FRS2: variants seen among roughly 807,000 people sequenced by gnomAD.
FRS2 encodes FGFR signalling adaptor.
FRS2 carries 8 observed loss-of-function variants against 43.9 expected under a neutral mutation model. That is an observed-to-expected ratio of 0.18 (90% CI 0.11 to 0.33). The LOEUF (loss-of-function observed/expected upper bound fraction) is 0.33, where lower values mean the gene tolerates loss of function less well. Among genes scored for constraint, FRS2 ranks in the 10% least tolerant of loss-of-function variants. FRS2 has a pLI of 1.00. For missense variants in FRS2, 534 were observed against 627.6 expected (o/e 0.85, Z 1.59); for synonymous variants, 219 against 220.3 (o/e 0.99, Z 0.05).
At chr12:69,529,622 A>AAAATAAAT (rs36140969) in intron 1 of FRS2, among the ~76,000 whole-genome samples, 39 of 150,006 alleles carry the variant, frequency 2.6e-4, no homozygotes, top group African/African-American at 8.6e-4. Flanking sequence ...CCCTGTCTCA[A>AAAATAAAT]AAATAAATAA....
intron 3 of FRS2, among the ~76,000 whole-genome samples, chr12:69,534,044 T>C (rs1877052937): frequency 6.6e-6 from 1 of 152,138 alleles, no homozygotes; most frequent in South Asian, 2.1e-4. Context: ...CACATGTAGG[T>C]GGTGGAATAT....
At chr12:69,470,639 G>C (rs1363549339) in intron 1 of FRS2, 109 bp downstream of exon 1, 1 of 394,620 alleles carries the variant, frequency 2.5e-6, no homozygotes, top group Non-Finnish European at 4.5e-6. Context: ...TCGGCTGCCG[G>C]CGTCCGGGGA....
At chr12:69,570,246 C>G in intron 5 of FRS2, 85 bp from the exon 6 acceptor site, 2 of 1,010,584 alleles carry the variant, frequency 2.0e-6, no homozygotes, top group Non-Finnish European at 3.1e-6. Flanking sequence ...AATGAACTAA[C>G]AAATTACAAA....
In FRS2 at chr12:69,547,830, CTT is replaced by C. The variant is rs71094722; in HGVS notation, c.-121-14325_-121-14324del. On this transcript the variant is annotated intron_variant, in intron 3 of 8. Coordinates refer to ENST00000549921, the MANE Select transcript of FRS2 (RefSeq NM_001278356.2). Reference sequence around the variant, plus strand: ...TTTTAGAAAAATGTATCCATTAATACTTTTTTTTTTTTTTTTTTTTTTTTTTG... The same window carrying C: ...TTTTAGAAAAATGTATCCATTAATACTTTTTTTTTTTTTTTTTTTTTTTTG... Among the ~76,000 whole-genome samples, 612 of 102,504 alleles carry C rather than the reference CTT, an allele frequency of 6.0e-3. 2 individuals are homozygous for C. The highest frequency in any genetic ancestry group is 0.021 in the African/African-American group (572 of 27,606). The allele number at this position is 102,504 out of a possible 152,430, so 67.2% of individuals were successfully genotyped here. A position where few individuals can be genotyped will look rare whatever the true frequency, so the allele number is the denominator to read the frequency against.
intron 3 of FRS2, among the ~76,000 whole-genome samples, chr12:69,539,512 A>C (rs970421367): frequency 6.6e-6 from 1 of 152,180 alleles, no homozygotes; most frequent in African/African-American, 2.4e-5. Context: ...TTTATACAAT[A>C]TTTTAAATAA....
chr12:69,562,032 G>A (rs951527928), intron 3 of FRS2, 148 bp from the exon 4 acceptor site: 21 of 381,748 alleles, frequency 5.5e-5, no homozygotes, highest in African/African-American at 4.4e-4. Context: ...TAAAATTGAT[G>A]TTATATGTTA....
chr12:69,512,500 C>T (rs1238874659), intron 1 of FRS2, among the ~76,000 whole-genome samples: 1 of 152,146 alleles, frequency 6.6e-6, no homozygotes, highest in Admixed American at 6.5e-5. Flanking sequence ...GAATCAAATG[C>T]AGAAGAACTT....
At chr12:69,510,294 G>C (rs1177248424) in intron 1 of FRS2, among the ~76,000 whole-genome samples, 1 of 152,086 alleles carries the variant, frequency 6.6e-6, no homozygotes, top group Non-Finnish European at 1.5e-5. Context: ...AGTGCCCTCG[G>C]TAGAGTTAAT....
At chr12:69,493,852 A>C (rs957298981) in intron 1 of FRS2, among the ~76,000 whole-genome samples, 1 of 152,218 alleles carries the variant, frequency 6.6e-6, no homozygotes, top group African/African-American at 2.4e-5. Context: ...CTGCATATAC[A>C]TAGGATTTAA....
intron 1 of FRS2, among the ~76,000 whole-genome samples, chr12:69,501,066 G>A (rs1423835294): frequency 6.6e-6 from 1 of 151,984 alleles, no homozygotes; most frequent in Non-Finnish European, 1.5e-5. Flanking sequence ...TATCTAAGGG[G>A]AATGTATGTG....
At chr12:69,505,164 T>C (rs1044527251) in intron 1 of FRS2, among the ~76,000 whole-genome samples, 3 of 152,224 alleles carry the variant, frequency 2.0e-5, no homozygotes, top group Non-Finnish European at 4.4e-5. Context: ...TGGCCTCTTC[T>C]AATTTCCAGT....
intron 3 of FRS2, among the ~76,000 whole-genome samples, chr12:69,538,952 T>C (rs917569607): frequency 6.6e-6 from 1 of 152,194 alleles, no homozygotes; most frequent in Non-Finnish European, 1.5e-5. Flanking sequence ...CTAGATGCCA[T>C]GACACCCCGG....
intron 1 of FRS2, among the ~76,000 whole-genome samples, chr12:69,513,979 G>A (rs1165031617): frequency 6.6e-6 from 1 of 151,922 alleles, no homozygotes; most frequent in Non-Finnish European, 1.5e-5. Context: ...AAAATTCGAA[G>A]TCTTCCCAGG....
At chr12:69,556,026 A>G (rs962961340) in intron 3 of FRS2, among the ~76,000 whole-genome samples, 2 of 148,406 alleles carry the variant, frequency 1.3e-5, no homozygotes, top group South Asian at 2.1e-4. Flanking sequence ...GGGGCGGTGT[A>G]CACATGGTAT....
intron 1 of FRS2, among the ~76,000 whole-genome samples, chr12:69,520,377 T>C (rs915457912): frequency 6.0e-5 from 2 of 33,260 alleles, no homozygotes; most frequent in African/African-American, 4.0e-4. Flanking sequence ...CTATTATTAG[T>C]TTTTTTTTTT....
At chr12:69,476,003 A>G (rs948187793) in intron 1 of FRS2, among the ~76,000 whole-genome samples, 8 of 152,152 alleles carry the variant, frequency 5.3e-5, no homozygotes, top group South Asian at 2.1e-4. Context: ...TTGGCAGAAT[A>G]AAAGTTGGCA....
chr12:69,475,481 C>G (rs1291071642), intron 1 of FRS2, among the ~76,000 whole-genome samples: 1 of 152,102 alleles, frequency 6.6e-6, no homozygotes, highest in Non-Finnish European at 1.5e-5. Context: ...AGGGAGTACA[C>G]CCCTCACTCC....
At chr12:69,519,709 C>G (rs1456146973) in intron 1 of FRS2, among the ~76,000 whole-genome samples, 1 of 152,126 alleles carries the variant, frequency 6.6e-6, no homozygotes, top group African/African-American at 2.4e-5. Context: ...GCCTCCAGCT[C>G]CACCTTTTGT....
rs1881094763 is a variant in FRS2 at position 69,575,040 on chromosome 12, AACTC to A, written c.*86_*89del. 2.2e-5 allele frequency: 19 copies of A among 857,430 alleles called. No homozygotes were observed. The highest frequency in any genetic ancestry group is 1.3e-4 in the South Asian group (8 of 60,688). The allele number at this position is 857,430 out of a possible 1,614,324, so 53.1% of individuals were successfully genotyped here. On this transcript the variant is annotated 3_prime_UTR_variant, in exon 9 of 9. Coordinates refer to ENST00000549921, the MANE Select transcript of FRS2 (RefSeq NM_001278356.2). ...TGCTTCATTTTCATTTCTAAACACT[AACTC>A]CTTTTATAGACTGATAAAATTTTTT...
Sources: allele counts gnomAD v4.1 joint callset (sites outside exome capture counted in the v4.1 genomes callset), GRCh38; gene constraint gnomAD v4.1.1; transcripts MANE v1.5; gene names NCBI Gene and HGNC (gene_info 2026-07-23, HGNC 2026-07-21).